The following NCAPD2 variants were observed in gnomAD, a reference collection of about 807,000 sequenced individuals.
NCAPD2 encodes condensin complex subunit 1.
NCAPD2 carries 100 observed loss-of-function variants against 164.5 expected under a neutral mutation model. The ratio of observed to expected loss-of-function variants is 0.61; its 90% CI spans 0.52 to 0.72. NCAPD2 has a LOEUF of 0.72. NCAPD2 is among the 30% of genes least tolerant of loss of function. NCAPD2 has a pLI of 0.00. For synonymous variants in NCAPD2, 585 were observed against 642.6 expected, an observed-to-expected ratio of 0.91 and a Z score of 1.36; for missense variants, 1,560 against 1,749.2, an observed-to-expected ratio of 0.89 and a Z score of 1.93.
chr12:6,519,969 T>C (rs1202060650), intron 13 of NCAPD2, among the ~76,000 whole-genome samples: 2 of 151,086 alleles, frequency 1.3e-5, no homozygotes, highest in African/African-American at 4.9e-5. Flanking sequence ...AGGCCAGGAG[T>C]TTGAGGCCAG....
intron 29 of NCAPD2, 43 bp from the exon 30 acceptor site, chr12:6,530,648 A>G (rs1178298617): frequency 1.2e-6 from 2 of 1,609,030 alleles, no homozygotes; most frequent in South Asian, 2.2e-5. Context: ...AATCAGAAGT[A>G]ACTGTTTTCA....
In NCAPD2 at chr12:6,528,223, A is replaced by T; in HGVS notation, c.3194A>T (p.Lys1065Met). 6.2e-7 allele frequency: 1 copy of T among 1,614,104 alleles called. No homozygotes were observed. The highest frequency in any genetic ancestry group is 1.1e-5 in the South Asian group (1 of 91,082). The change falls in exon 25 of 32, where the codon AAG (lysine) becomes ATG (methionine). Residue 1065 changes from lysine (K) to methionine (M), a missense_variant. Transcript: ENST00000315579. This position sits in a 1 kb window ranked among gnomAD's most constrained non-coding sequence, Gnocchi z 5.1. Reference sequence around the variant, plus strand: ...CGTCTTCTGTTCACCATGCTGGAAAAGTCTCCACTTCCCATTGTCCGGTCT... The same window carrying T: ...CGTCTTCTGTTCACCATGCTGGAAATGTCTCCACTTCCCATTGTCCGGTCT... ...QLRLLFTMLE[K>M]SPLPIVRSNL...
At chr12:6,514,241 C>T in intron 6 of NCAPD2, 24 bp from the exon 7 acceptor site, 5 of 1,613,946 alleles carry the variant, frequency 3.1e-6, no homozygotes, top group Non-Finnish European at 4.2e-6. Flanking sequence ...CTGCTTTCAT[C>T]ATCTCAAACT....
rs199590135 is a variant in NCAPD2 at position 6,517,842 on chromosome 12, A to G, written c.1472A>G (p.Gln491Arg). 1.1e-4 allele frequency: 170 copies of G among 1,614,074 alleles called. No individual in the cohort carries two copies. Among genetic ancestry groups the G allele is most frequent in the Non-Finnish European group, 1.4e-4 (165 of 1,180,032 alleles). ...CTGCCAGAGTTGAAGTCTACCCTGC[A>G]GCAGCTTCTACAGCTTCCCCAGGGA... ...AMLPELKSTL[Q>R]QLLQLPQGEE... Residue 491 changes from glutamine (Q) to arginine (R), a missense_variant, in exon 13 of 32, where the codon CAG becomes CGG. Coordinates refer to ENST00000315579, the MANE Select transcript of NCAPD2 (RefSeq NM_014865.4).
At chr12:6,529,087 T>G (rs1283583210) in intron 27 of NCAPD2, 48 bp downstream of exon 27, 3 of 1,528,206 alleles carry the variant, frequency 2.0e-6, no homozygotes, top group Non-Finnish European at 1.8e-6. Context: ...AGCACGGGCT[T>G]AGGAATCAGA....
rs753705404 is a variant in NCAPD2 at position 6,528,142 on chromosome 12, G to C, written c.3144-31G>C. The C allele has an allele frequency of 1.9e-6, 3 of 1,614,068 alleles. No homozygotes were observed. Among genetic ancestry groups the C allele is most frequent in the African/African-American group, 1.3e-5 (1 of 74,932 alleles). On this transcript the variant is annotated intron_variant, in intron 24 of 31. Transcript: ENST00000315579. This position sits in a 1 kb window ranked among gnomAD's most constrained non-coding sequence, Gnocchi z 5.1. ...TCTCAAGGAAGATGGGGATGAAATG[G>C]CTTCCCTAATGATCCTCTTCTTGCT...
In NCAPD2 at chr12:6,522,198, T is replaced by A. The variant is rs534781975; in HGVS notation, c.1954+161T>A. 5.3e-5 allele frequency among the ~76,000 whole-genome samples: 8 copies of A among 152,246 alleles called. No individual in the cohort carries two copies. In the East Asian group the frequency reaches 1.5e-3, roughly 29 times the overall value. On this transcript the variant is annotated intron_variant, in intron 15 of 31. Coordinates refer to ENST00000315579, the MANE Select transcript of NCAPD2 (RefSeq NM_014865.4). ...ATTCTTCTGCGTCAGCCTCCCAAAG[T>A]GCTGGTATTACAGGTGTGAGCCACT... is the stretch of plus-strand genomic sequence containing the variant.
Position 6,514,349 on chromosome 12 carries a change from A to T in NCAPD2, c.672A>T (p.Thr224=). The T allele has an allele frequency of 6.2e-7, 1 of 1,614,200 alleles. No individual in the cohort carries two copies. Among genetic ancestry groups the T allele is most frequent in the South Asian group, 1.1e-5 (1 of 91,086 alleles). Residue 224 remains threonine (T), a synonymous_variant, in exon 7 of 32, where the codon ACA becomes ACT. Transcript: ENST00000315579. ...QKNRPTREAI[T]HLLGVALTRY... is the part of the protein sequence containing the mutation. Reference sequence around the variant, plus strand: ...ACCGCCCCACTCGGGAAGCCATAACACACCTGCTTGGTGTAGCCTTGACCC... The same window carrying T: ...ACCGCCCCACTCGGGAAGCCATAACTCACCTGCTTGGTGTAGCCTTGACCC...
In NCAPD2 at chr12:6,531,471, TTC is replaced by T; in HGVS notation, c.*61_*62del. ...CCTGTAGGGTGACCTGGAATTCGAA[TTC>T]TGTTTCCCTTGTAAAATATTTGTCT... On this transcript the variant is annotated 3_prime_UTR_variant, in exon 32 of 32. Transcript: ENST00000315579. The surrounding 1 kb of genome is among the most constrained non-coding windows in gnomAD (Gnocchi z 4.1). The T allele has an allele frequency of 6.3e-7, 1 of 1,596,832 alleles. No homozygotes were observed. The highest frequency in any genetic ancestry group is 8.5e-7 in the Non-Finnish European group (1 of 1,172,738).
Position 6,529,505 on chromosome 12 carries a change from T to G in NCAPD2, c.3573-8T>G. 6.2e-7 allele frequency: 1 copy of G among 1,613,828 alleles called. No homozygotes were observed. The highest frequency in any genetic ancestry group is 8.5e-7 in the Non-Finnish European group (1 of 1,179,748). On this transcript the variant is annotated splice_region_variant and splice_polypyrimidine_tract_variant and intron_variant, in intron 27 of 31. Transcript: ENST00000315579. ...GCCATCGAACATCCTCATCTCCCCT[T>G]CCTGCAGACAGCTCCTCTCCTACAT...
Position 6,526,926 on chromosome 12 carries a change from A to T in NCAPD2, c.2770A>T (p.Met924Leu). 6.2e-7 allele frequency: 1 copy of T among 1,613,914 alleles called. No individual in the cohort carries two copies. The highest frequency in any genetic ancestry group is 1.7e-4 in the Middle Eastern group (1 of 6,028). ...SPAMLPTFLL[M>L]NLLSLAGDVA... Reference sequence around the variant, plus strand: ...CGCAATGCTCCCCACTTTCCTGTTGATGAACCTGCTGTCCCTGGCTGGGGA... The same window carrying T: ...CGCAATGCTCCCCACTTTCCTGTTGTTGAACCTGCTGTCCCTGGCTGGGGA... The change falls in exon 22 of 32, where the codon ATG (methionine) becomes TTG (leucine). Residue 924 changes from methionine (M) to leucine (L), a missense_variant. By Grantham distance (15) the Met-to-Leu change is conservative (BLOSUM62 2). Coordinates refer to ENST00000315579, the MANE Select transcript of NCAPD2 (RefSeq NM_014865.4).
At chr12:6,525,924 G>T in intron 18 of NCAPD2, 144 bp from the exon 19 acceptor site, 1 of 1,249,736 alleles carries the variant, frequency 8.0e-7, no homozygotes, top group East Asian at 2.4e-5. Context: ...GGACCCAAGA[G>T]GCTGGCCCTG....
At chr12:6,499,102 T>C (rs1277096034) in intron 2 of NCAPD2, among the ~76,000 whole-genome samples, 1 of 152,044 alleles carries the variant, frequency 6.6e-6, no homozygotes, top group Non-Finnish European at 1.5e-5. Flanking sequence ...AAAGGGATGG[T>C]TCACATCCCA....
chr12:6,530,426 A>G (rs1946360408), intron 29 of NCAPD2, among the ~76,000 whole-genome samples: 1 of 152,218 alleles, frequency 6.6e-6, no homozygotes, highest in South Asian at 2.1e-4. Flanking sequence ...CCATTGCAGT[A>G]TCATACAGAA....
intron 27 of NCAPD2, 61 bp downstream of exon 27, chr12:6,529,100 C>A: frequency 1.4e-6 from 2 of 1,453,418 alleles, no homozygotes; most frequent in Non-Finnish European, 1.9e-6. Flanking sequence ...GAATCAGACA[C>A]ACCTGTATTT....
At chr12:6,514,659 A>C in intron 8 of NCAPD2, 72 bp downstream of exon 8, 1 of 1,611,498 alleles carries the variant, frequency 6.2e-7, no homozygotes, top group Non-Finnish European at 8.5e-7. Context: ...TTGGAAATAC[A>C]TTATCTGTGC....
rs745706860 is a variant in NCAPD2 at position 6,514,933 on chromosome 12, C to CT, written c.987+14dup. ...CCTGGATGGAGAAGTAGGTGGTCCA[C>CT]TAGGGGTCACTGAGCTTTTTCTGGG... On this transcript the variant is annotated intron_variant, in intron 9 of 31. Coordinates refer to ENST00000315579, the MANE Select transcript of NCAPD2 (RefSeq NM_014865.4). The CT allele has an allele frequency of 1.4e-5, 23 of 1,613,764 alleles. No homozygotes were observed. Among genetic ancestry groups the CT allele is most frequent in the Non-Finnish European group, 1.9e-5 (22 of 1,179,878 alleles).
At chr12:6,517,190 C>T (rs981609275) in intron 10 of NCAPD2, among the ~76,000 whole-genome samples, 165 bp downstream of exon 10, 8 of 152,186 alleles carry the variant, frequency 5.3e-5, no homozygotes, top group Non-Finnish European at 1.2e-4. Flanking sequence ...ATATCTGGCT[C>T]CCTTTAAGGA....
intron 16 of NCAPD2, 38 bp from the exon 17 acceptor site, chr12:6,523,224 A>G (rs770070684): frequency 1.9e-6 from 3 of 1,593,312 alleles, no homozygotes. Context: ...TCAGCTTCCC[A>G]ATCTTATAGT....
Sources: gnomAD v4.1 joint callset for allele counts (sites outside exome capture counted in the v4.1 genomes callset) on GRCh38, gnomAD v4.1.1 for gene constraint, Gnocchi (gnomAD v3.1) non-coding constraint, MANE v1.5 for transcripts, NCBI Gene and HGNC (gene_info 2026-07-23, HGNC 2026-07-21) for gene names.